Variants in SPOCK1 observed in about 807,000 individuals in gnomAD.
SPOCK1 encodes SPARC (osteonectin), cwcv and kazal like domains proteoglycan 1.
SPOCK1 carries 23 observed loss-of-function variants against 55.3 expected under a neutral mutation model. That is an observed-to-expected ratio of 0.42 (90% CI 0.30 to 0.59). The LOEUF (loss-of-function observed/expected upper bound fraction) is 0.59. Among genes scored for constraint, SPOCK1 ranks in the 20% least tolerant of loss-of-function variants. The probability of loss-of-function intolerance (pLI) is 0.22; values close to 1 mark genes in which losing one functional copy is unlikely to be tolerated. For synonymous variants in SPOCK1, 226 were observed against 221.0 expected, an observed-to-expected ratio of 1.02 and a Z score of -0.20; for missense variants, 499 against 552.5, an observed-to-expected ratio of 0.90 and a Z score of 0.97.
chr5:137,160,591 A>G (rs1313226437), intron 3 of SPOCK1, among the ~76,000 whole-genome samples: 1 of 79,448 alleles, frequency 1.3e-5, no homozygotes, highest in Non-Finnish European at 2.4e-5. Flanking sequence ...TATATAATAT[A>G]TAATATATTA....
intron 2 of SPOCK1, among the ~76,000 whole-genome samples, chr5:137,279,946 ACCTTT>A (rs2127124561): frequency 6.6e-6 from 1 of 152,304 alleles, no homozygotes; most frequent in African/African-American, 2.4e-5. Flanking sequence ...AGCTTGCTGT[ACCTTT>A]CCTTTGTTAA....
intron 2 of SPOCK1, among the ~76,000 whole-genome samples, chr5:137,422,170 G>A (rs1445810239): frequency 1.3e-5 from 2 of 152,228 alleles, no homozygotes; most frequent in Admixed American, 6.5e-5. Flanking sequence ...GAGATACGCT[G>A]TTAGTCTGAT....
intron 2 of SPOCK1, among the ~76,000 whole-genome samples, chr5:137,462,671 T>C (rs2149837762): frequency 6.6e-6 from 1 of 152,350 alleles, no homozygotes; most frequent in African/African-American, 2.4e-5. Context: ...TAGAATGGTG[T>C]CTAGCATATT....
chr5:137,438,962 G>T (rs1305109391), intron 2 of SPOCK1, among the ~76,000 whole-genome samples: 1 of 152,126 alleles, frequency 6.6e-6, no homozygotes, highest in Non-Finnish European at 1.5e-5. Context: ...GACTTAAGAG[G>T]GTGCAATGCA....
chr5:137,441,073 C>T (rs12519073), intron 2 of SPOCK1, among the ~76,000 whole-genome samples: 33,929 of 152,152 alleles, frequency 0.22, 4,037 homozygotes, highest in Admixed American at 0.33. Flanking sequence ...ATTGAACATC[C>T]GTCACAACTC....
intron 2 of SPOCK1, among the ~76,000 whole-genome samples, chr5:137,459,419 C>T (rs1030051508): frequency 1.1e-4 from 17 of 150,496 alleles, no homozygotes; most frequent in Non-Finnish European, 2.4e-4. Context: ...AATGTCCTTG[C>T]CTTCTACAAA....
At chr5:137,035,357 A>G (rs371987142) in intron 6 of SPOCK1, among the ~76,000 whole-genome samples, 53 of 152,344 alleles carry the variant, frequency 3.5e-4, no homozygotes, top group African/African-American at 1.2e-3. Context: ...CACTGCTTTC[A>G]GGAAGCCATT....
intron 3 of SPOCK1, among the ~76,000 whole-genome samples, chr5:137,265,258 G>T (rs2127115314): frequency 6.6e-6 from 1 of 152,314 alleles, no homozygotes; most frequent in East Asian, 1.9e-4. Flanking sequence ...ATTAGTAAAA[G>T]TAAAAATGTC....
intron 7 of SPOCK1, chr5:136,988,898 A>ATATC (rs1180627687): frequency 2.7e-6 from 1 of 368,378 alleles, no homozygotes. Context: ...CAATGTTAAC[A>ATATC]TATCTGTGAT....
chr5:137,271,681 A>G (rs1455543854), intron 2 of SPOCK1, among the ~76,000 whole-genome samples: 1 of 152,174 alleles, frequency 6.6e-6, no homozygotes, highest in Non-Finnish European at 1.5e-5. Flanking sequence ...TTGCCTTTCA[A>G]GAGGTGCCTA....
At chr5:137,105,079 A>C (rs1753340202) in intron 5 of SPOCK1, among the ~76,000 whole-genome samples, 1 of 152,134 alleles carries the variant, frequency 6.6e-6, no homozygotes, top group Non-Finnish European at 1.5e-5. Context: ...GCATGGATGA[A>C]ATCAGAATTT....
At chr5:137,318,129 C>T (rs1307803974) in intron 2 of SPOCK1, among the ~76,000 whole-genome samples, 1 of 152,104 alleles carries the variant, frequency 6.6e-6, no homozygotes, top group Non-Finnish European at 1.5e-5. Flanking sequence ...TCTTCCTGTC[C>T]CACTGCATTT....
chr5:136,979,767 T>A (rs534434361), intron 9 of SPOCK1, among the ~76,000 whole-genome samples: 1 of 152,176 alleles, frequency 6.6e-6, no homozygotes, highest in Non-Finnish European at 1.5e-5. Context: ...TGTGTATATA[T>A]ACATACATTT....
chr5:137,466,258 G>A (rs1753620973), intron 2 of SPOCK1, among the ~76,000 whole-genome samples: 1 of 152,178 alleles, frequency 6.6e-6, no homozygotes, highest in Non-Finnish European at 1.5e-5. Flanking sequence ...TGACTGACCA[G>A]AATTTCTTCC....
intron 5 of SPOCK1, among the ~76,000 whole-genome samples, chr5:137,105,142 C>A (rs150749267): frequency 7.7e-4 from 117 of 152,288 alleles, no homozygotes; most frequent in Non-Finnish European, 1.5e-3. Context: ...CAGTGACTTG[C>A]CTAATTGCTG....
intron 2 of SPOCK1, among the ~76,000 whole-genome samples, chr5:137,481,941 G>A (rs1457553385): frequency 6.6e-6 from 1 of 151,960 alleles, no homozygotes; most frequent in Non-Finnish European, 1.5e-5. Flanking sequence ...TTGGCAGGAA[G>A]TTAATATTTA....
intron 6 of SPOCK1, chr5:136,992,811 G>A (rs1227206085): frequency 6.6e-6 from 3 of 456,884 alleles, no homozygotes; most frequent in Middle Eastern, 5.4e-4. Flanking sequence ...AGCAGCCTTT[G>A]TTCAGAACTT....
intron 6 of SPOCK1, among the ~76,000 whole-genome samples, chr5:137,025,575 G>A (rs1053349922): frequency 6.6e-6 from 1 of 152,200 alleles, no homozygotes; most frequent in Non-Finnish European, 1.5e-5. Flanking sequence ...GCAGCTGGGT[G>A]TAGTGGCTCA....
intron 3 of SPOCK1, among the ~76,000 whole-genome samples, chr5:137,226,383 C>T (rs1755947621): frequency 6.6e-6 from 1 of 152,184 alleles, no homozygotes; most frequent in Non-Finnish European, 1.5e-5. Context: ...TCTCCTTGCC[C>T]CGAGGGGTGA....
Sources: allele counts gnomAD v4.1 joint callset (sites outside exome capture counted in the v4.1 genomes callset), GRCh38; gene constraint gnomAD v4.1.1; transcripts MANE v1.5; gene names NCBI Gene and HGNC (gene_info 2026-07-23, HGNC 2026-07-21).